The following GMDS variants were observed in gnomAD, a reference collection of about 807,000 sequenced individuals.
GMDS encodes the protein GDP-mannose 4,6 dehydratase.
In GMDS, 20 loss-of-function variants were observed where a neutral mutation model predicts 49.9. The observed-to-expected ratio is 0.40, with a 90% CI of 0.28 to 0.58. GMDS has a LOEUF of 0.58. GMDS is among the 20% of genes least tolerant of loss of function. GMDS has a pLI of 0.42. For synonymous variants in GMDS, 177 were observed against 178.6 expected (o/e 0.99, Z 0.07); for missense variants, 362 against 481.4 (o/e 0.75, Z 2.32).
chr6:1,719,234 C>T lies in GMDS; in HGVS notation c.987+7182G>A, dbSNP rs999625854. On this transcript the variant is annotated intron_variant, in intron 9 of 10. Transcript: ENST00000380815. Reference sequence around the variant, plus strand: ...GCAGTTAATGACAAAAGGAGCCAGACGAGTTTTTGCCTTTGCTACTAGATG... The same window carrying T: ...GCAGTTAATGACAAAAGGAGCCAGATGAGTTTTTGCCTTTGCTACTAGATG... 7.4e-4 allele frequency among the ~76,000 whole-genome samples: 112 copies of T among 152,078 alleles called. 1 individual carries two copies. The highest frequency in any genetic ancestry group is 2.5e-3 in the African/African-American group (103 of 41,438).
intron 7 of GMDS, among the ~76,000 whole-genome samples, chr6:1,900,367 T>C (rs1428003370): frequency 6.6e-6 from 1 of 152,216 alleles, no homozygotes; most frequent in East Asian, 1.9e-4. Flanking sequence ...AATTTTAAAA[T>C]GTCTGATATG....
chr6:2,148,908 G>A (rs564349295), intron 1 of GMDS, among the ~76,000 whole-genome samples: 74 of 152,260 alleles, frequency 4.9e-4, no homozygotes, highest in Non-Finnish European at 7.5e-4. Flanking sequence ...TGCTCATCTG[G>A]ACTGCACTGT....
intron 7 of GMDS, among the ~76,000 whole-genome samples, chr6:1,746,061 A>G (rs1429463730): frequency 6.6e-6 from 1 of 152,222 alleles, no homozygotes; most frequent in Non-Finnish European, 1.5e-5. Flanking sequence ...GATGGATGGC[A>G]CAACTGAGGC....
At chr6:2,001,237 GAC>G in intron 4 of GMDS, among the ~76,000 whole-genome samples, 1 of 152,116 alleles carries the variant, frequency 6.6e-6, no homozygotes, top group Non-Finnish European at 1.5e-5. Flanking sequence ...TTTCCCTAAT[GAC>G]TAATGATGTC....
intron 1 of GMDS, among the ~76,000 whole-genome samples, chr6:2,212,948 A>G (rs1447894333): frequency 6.6e-6 from 1 of 152,146 alleles, no homozygotes; most frequent in African/African-American, 2.4e-5. Flanking sequence ...TTTCTTCTGT[A>G]TGCCCATGGC....
intron 4 of GMDS, among the ~76,000 whole-genome samples, chr6:2,066,515 G>A (rs1771604335): frequency 6.6e-6 from 1 of 151,844 alleles, no homozygotes. Flanking sequence ...GCTGTATTCA[G>A]GAAACCCATC....
At chr6:2,238,810 A>G (rs1369011858) in intron 1 of GMDS, among the ~76,000 whole-genome samples, 2 of 151,934 alleles carry the variant, frequency 1.3e-5, no homozygotes, top group African/African-American at 4.8e-5. Flanking sequence ...TATCACACAT[A>G]CCCCATAAAT....
At chr6:1,721,057 T>C (rs934447968) in intron 9 of GMDS, among the ~76,000 whole-genome samples, 3 of 152,178 alleles carry the variant, frequency 2.0e-5, no homozygotes, top group Admixed American at 2.0e-4. Context: ...AGTCCTCTGA[T>C]GACAGATCAG....
At chr6:1,954,163 GT>G (rs1255298706) in intron 6 of GMDS, among the ~76,000 whole-genome samples, 2 of 152,202 alleles carry the variant, frequency 1.3e-5, no homozygotes, top group Admixed American at 1.3e-4. Context: ...ACAATTTCAG[GT>G]TTGAAGAAAC....
intron 7 of GMDS, among the ~76,000 whole-genome samples, chr6:1,808,922 G>C (rs1196398191): frequency 6.6e-6 from 1 of 151,852 alleles, no homozygotes; most frequent in South Asian, 2.1e-4. Context: ...GTGTGTGTGT[G>C]TGTGTACACC....
chr6:2,125,378 C>A (rs532325472), intron 1 of GMDS, among the ~76,000 whole-genome samples: 5 of 152,088 alleles, frequency 3.3e-5, no homozygotes, highest in Admixed American at 3.3e-4. Flanking sequence ...ATCTTCCCAC[C>A]GTGGCCTCCC....
intron 4 of GMDS, among the ~76,000 whole-genome samples, chr6:2,010,745 ATTTAAAAATTGT>A (rs1465097478): frequency 6.6e-6 from 1 of 152,220 alleles, no homozygotes; most frequent in East Asian, 1.9e-4. Context: ...CCTTTTATTC[ATTTAAAAATTGT>A]TTTAAAAATT....
At chr6:1,786,495 A>G (rs1250768559) in intron 7 of GMDS, among the ~76,000 whole-genome samples, 7 of 152,232 alleles carry the variant, frequency 4.6e-5, no homozygotes, top group Admixed American at 6.5e-5. Flanking sequence ...CAGAGGCTTC[A>G]TGGGCAGGAG....
Position 2,208,854 on chromosome 6 carries a change from TAA to T in GMDS, c.102+36465_102+36466del, listed in dbSNP as rs34346221. On this transcript the variant is annotated intron_variant, in intron 1 of 10. Coordinates refer to ENST00000380815, the MANE Select transcript of GMDS (RefSeq NM_001500.4). ...CTAAGGCCGGTACAGTGGGCTACATTAAAAAAAAAAAAAAAACTATTAGGCAA... is the reference window on the plus strand; with the variant it reads ...CTAAGGCCGGTACAGTGGGCTACATTAAAAAAAAAAAAAACTATTAGGCAA... Among the ~76,000 whole-genome samples the T allele has an allele frequency of 7.9e-4, 112 of 142,344 alleles. 2 individuals are homozygous for T. The highest frequency in any genetic ancestry group is 2.4e-3 in the Admixed American group (35 of 14,338). 93.4% of individuals were successfully genotyped at this position (142,344 alleles called of 152,430 possible).
At chr6:1,843,844 T>C (rs982254648) in intron 7 of GMDS, among the ~76,000 whole-genome samples, 2 of 152,172 alleles carry the variant, frequency 1.3e-5, no homozygotes, top group African/African-American at 4.8e-5. Context: ...GGGTAGCCTC[T>C]GATGCTGCCA....
At chr6:2,004,997 G>A (rs562753262) in intron 4 of GMDS, among the ~76,000 whole-genome samples, 26 of 152,278 alleles carry the variant, frequency 1.7e-4, no homozygotes, top group African/African-American at 6.3e-4. Flanking sequence ...GATTTGCAAT[G>A]AGTATATAGA....
At chr6:2,239,689 CTT>C (rs771154281) in intron 1 of GMDS, among the ~76,000 whole-genome samples, 6 of 144,358 alleles carry the variant, frequency 4.2e-5, no homozygotes, top group Admixed American at 6.9e-5. Flanking sequence ...AATGCCAGAC[CTT>C]TTTTTTTTTT....
intron 6 of GMDS, among the ~76,000 whole-genome samples, chr6:1,945,697 C>G (rs1763047531): frequency 6.6e-6 from 1 of 152,070 alleles, no homozygotes; most frequent in South Asian, 2.1e-4. Context: ...ATTGCTTAAG[C>G]CTAGGAGTTA....
chr6:1,869,701 T>C (rs1758623474), intron 7 of GMDS, among the ~76,000 whole-genome samples: 1 of 152,202 alleles, frequency 6.6e-6, no homozygotes, highest in Admixed American at 6.5e-5. Flanking sequence ...AGAAAGAAAC[T>C]TTTACTGTTA....
Sources: allele counts gnomAD v4.1 joint callset (sites outside exome capture counted in the v4.1 genomes callset), GRCh38; gene constraint gnomAD v4.1.1; transcripts MANE v1.5; gene names NCBI Gene and HGNC (gene_info 2026-07-23, HGNC 2026-07-21).